NTSR2: variants seen among roughly 807,000 people sequenced by gnomAD.
NTSR2 encodes neurotensin receptor 2, also known as neurotensin receptor type 2.
In NTSR2, 22 loss-of-function variants were observed where a neutral mutation model predicts 24.1. The observed-to-expected ratio is 0.91, with a 90% CI of 0.65 to 1.30. The LOEUF (loss-of-function observed/expected upper bound fraction) is 1.30. Among genes scored for constraint, NTSR2 ranks in the 50% most tolerant of loss-of-function variants. The pLI, the probability that NTSR2 is intolerant of heterozygous loss-of-function variation, is 0.00. For synonymous variants in NTSR2, 291 were observed against 267.0 expected, an observed-to-expected ratio of 1.09 and a Z score of -0.88; for missense variants, 570 against 570.4, an observed-to-expected ratio of 1.00 and a Z score of 0.01.
In NTSR2 at chr2:11,669,694, G is replaced by A. The variant is rs1306959254; in HGVS notation, c.436C>T (p.Leu146=). 1 of 1,531,676 alleles carries A rather than the reference G, an allele frequency of 6.5e-7. No homozygotes were observed. Among genetic ancestry groups the A allele is most frequent in the Admixed American group, 2.0e-5 (1 of 51,070 alleles). 94.9% of individuals were successfully genotyped at this position (1,531,676 alleles called of 1,614,324 possible). ...CACCGGGTCCGGCGTGGCGTCAGCA[G>A]GCTGCGGGCACGCAGGGGCTGGCAC... ...AVCQPLRARS[L]LTPRRTRWLV... The change falls in exon 1 of 4, where the codon CTG becomes TTG. Residue 146 remains leucine (L), a synonymous_variant. Coordinates refer to ENST00000306928, the MANE Select transcript of NTSR2 (RefSeq NM_012344.4).
At chr2:11,668,789 A>G (rs1353430710) in intron 1 of NTSR2, among the ~76,000 whole-genome samples, 1 of 152,248 alleles carries the variant, frequency 6.6e-6, no homozygotes, top group African/African-American at 2.4e-5. Context: ...CAGAAAATGC[A>G]TTGTGAAGTG....
chr2:11,663,036 G>A (rs747871448), intron 1 of NTSR2, among the ~76,000 whole-genome samples: 16 of 152,324 alleles, frequency 1.1e-4, no homozygotes, highest in Non-Finnish European at 2.2e-4. Flanking sequence ...AGAAAATCAT[G>A]AGCAGTGCTT....
Position 11,669,951 on chromosome 2 carries a change from G to A in NTSR2, c.179C>T (p.Ala60Val), listed in dbSNP as rs756062152. The A allele has an allele frequency of 4.6e-6, 7 of 1,512,170 alleles. No homozygotes were observed. In the African/African-American group the frequency reaches 7.1e-5, roughly 15 times the overall value. The allele number at this position is 1,512,170 out of a possible 1,614,324, so 93.7% of individuals were successfully genotyped here. A position where few individuals can be genotyped will look rare whatever the true frequency, so the allele number is the denominator to read the frequency against. Residue 60 changes from alanine (A) to valine (V), a missense_variant, in exon 1 of 4, where the codon GCG becomes GTG. Ala to Val is a moderately conservative substitution (Grantham distance 64). Coordinates refer to ENST00000306928, the MANE Select transcript of NTSR2 (RefSeq NM_012344.4). Reference sequence around the variant, plus strand: ...CAGGCGCCCCGCGCGCCCGGCCCGCGCCTTCAGCACCACGTGCGCGGACAG... The same window carrying A: ...CAGGCGCCCCGCGCGCCCGGCCCGCACCTTCAGCACCACGTGCGCGGACAG... ...NALSAHVVLK[A>V]RAGRAGRLRH...
intron 1 of NTSR2, among the ~76,000 whole-genome samples, chr2:11,668,978 G>A (rs2148490133): frequency 6.6e-6 from 1 of 152,276 alleles, no homozygotes; most frequent in African/African-American, 2.4e-5. Flanking sequence ...GGGAAAGCGG[G>A]AGCAAGAGGT....
Position 11,660,114 on chromosome 2 carries a change from A to G in NTSR2, c.918T>C (p.Tyr306=). ...VQVLRAIVVM[Y]VICWLPYHAR... Reference sequence around the variant, plus strand: ...CATGGTACGGCAGCCAGCAGATGACATACATGACCACGATGGCTCCTGCAG... The same window carrying G: ...CATGGTACGGCAGCCAGCAGATGACGTACATGACCACGATGGCTCCTGCAG... The change falls in exon 3 of 4, where the codon TAT becomes TAC. Residue 306 remains tyrosine (Y), a synonymous_variant. Coordinates refer to ENST00000306928, the MANE Select transcript of NTSR2 (RefSeq NM_012344.4). 6.2e-7 allele frequency: 1 copy of G among 1,613,616 alleles called. No individual in the cohort carries two copies. Among genetic ancestry groups the G allele is most frequent in the Non-Finnish European group, 8.5e-7 (1 of 1,179,908 alleles).
At position 11,658,662 on chromosome 2, in the gene NTSR2, G is replaced by A. The variant is rs1660990348; in HGVS notation, c.1050C>T (p.Ser350=). The change falls in exon 4 of 4, where the codon AGC becomes AGT. Residue 350 remains serine, a synonymous_variant. Coordinates refer to ENST00000306928, the MANE Select transcript of NTSR2 (RefSeq NM_012344.4). Reference sequence around the variant, plus strand: ...TGTAGAGAAGAGGAGTCACAGCTGAGCTGACGTAGAAAAGTGTGTTGGTCA... The same window carrying A: ...TGTAGAGAAGAGGAGTCACAGCTGAACTGACGTAGAAAAGTGTGTTGGTCA... ...YMVTNTLFYV[S]SAVTPLLYNA... 6.2e-7 allele frequency: 1 copy of A among 1,614,048 alleles called. No homozygotes were observed. The highest frequency in any genetic ancestry group is 8.5e-7 in the Non-Finnish European group (1 of 1,180,042).
chr2:11,665,083 T>TCC (rs1483309451), intron 1 of NTSR2, among the ~76,000 whole-genome samples: 6 of 92,198 alleles, frequency 6.5e-5, no homozygotes, highest in Admixed American at 2.3e-4. Flanking sequence ...TTTTTTTTTT[T>TCC]CCAAGCTTGT....
At chr2:11,668,922 G>T (rs1388557975) in intron 1 of NTSR2, among the ~76,000 whole-genome samples, 1 of 152,214 alleles carries the variant, frequency 6.6e-6, no homozygotes, top group African/African-American at 2.4e-5. Flanking sequence ...GCAGAAGAAT[G>T]AGCTTTTGAC....
intron 3 of NTSR2, among the ~76,000 whole-genome samples, chr2:11,659,602 ATCT>A (rs1161777971): frequency 6.6e-6 from 1 of 152,140 alleles, no homozygotes; most frequent in African/African-American, 2.4e-5. Context: ...GAATTCTCTC[ATCT>A]TCTCCAACCA....
chr2:11,661,831 A>C, intron 2 of NTSR2, 136 bp downstream of exon 2: 1 of 732,248 alleles, frequency 1.4e-6, no homozygotes, highest in Non-Finnish European at 2.2e-6. Context: ...TTGGTTATAC[A>C]GTTCCCCTGG....
chr2:11,668,782 A>C (rs954485639), intron 1 of NTSR2, among the ~76,000 whole-genome samples: 2 of 152,250 alleles, frequency 1.3e-5, no homozygotes, highest in Non-Finnish European at 2.9e-5. Context: ...TCACTTTCAG[A>C]AAATGCATTG....
At position 11,669,804 on chromosome 2, in the gene NTSR2, C is replaced by T. The variant is rs1572271745; in HGVS notation, c.326G>A (p.Arg109His). ...CAGCTCGTGCACGAAGTAGTAGCCG[C>T]GGCAGCCCAGGTCGCCGAAGACCCA... Reference protein sequence around the residue: ...YPWVFGDLGCRGYYFVHELCA... With the variant: ...YPWVFGDLGCHGYYFVHELCA... The change falls in exon 1 of 4, where the codon CGC becomes CAC. Residue 109 changes from arginine (R) to histidine (H), a missense_variant. Physicochemically the swap from Arg to His is conservative, Grantham distance 29. Coordinates refer to ENST00000306928, the MANE Select transcript of NTSR2 (RefSeq NM_012344.4). 6 of 1,563,366 alleles carry T rather than the reference C, an allele frequency of 3.8e-6. No homozygotes were observed. The highest frequency in any genetic ancestry group is 5.2e-6 in the Non-Finnish European group (6 of 1,161,594).
At chr2:11,668,553 T>G (rs1661253379) in intron 1 of NTSR2, among the ~76,000 whole-genome samples, 1 of 152,172 alleles carries the variant, frequency 6.6e-6, no homozygotes, top group South Asian at 2.1e-4. Context: ...CGTGTGCCAG[T>G]GTGCAGAGAA....
chr2:11,669,860 C>A lies in NTSR2; in HGVS notation c.270G>T (p.Glu90Asp), dbSNP rs1412833753. ...LLLLLVGVPV[E>D]LYSFVWFHYP... ...AGTGGAACCACACGAAGCTGTAGAGCTCCACCGGCACGCCGACCAGCAGCA... is the reference window on the plus strand; with the variant it reads ...AGTGGAACCACACGAAGCTGTAGAGATCCACCGGCACGCCGACCAGCAGCA... The change falls in exon 1 of 4, where the codon GAG (glutamate) becomes GAT (aspartate). Residue 90 changes from glutamate to aspartate, a missense_variant. Transcript: ENST00000306928. 6.3e-7 allele frequency: 1 copy of A among 1,585,784 alleles called. No individual in the cohort carries two copies. Among genetic ancestry groups the A allele is most frequent in the Non-Finnish European group, 8.5e-7 (1 of 1,172,612 alleles).
Position 11,670,163 on chromosome 2 carries a change from C to T in NTSR2, c.-34G>A. The T allele has an allele frequency of 7.4e-7, 1 of 1,358,552 alleles. No homozygotes were observed. The highest frequency in any genetic ancestry group is 9.4e-7 in the Non-Finnish European group (1 of 1,063,712). The allele number at this position is 1,358,552 out of a possible 1,614,324, so 84.2% of individuals were successfully genotyped here. On this transcript the variant is annotated 5_prime_UTR_variant, in exon 1 of 4. In the 5' UTR this introduces an upstream ATG that the reference lacks. Transcript: ENST00000306928. ...CGCGGCCGGCGCTCCCTCCCTCTCA[C>T]TGCCCGGAGTCTGGGCGAGCTGCCT...
chr2:11,664,523 T>A (rs1180728372), intron 1 of NTSR2, among the ~76,000 whole-genome samples: 3 of 152,198 alleles, frequency 2.0e-5, no homozygotes, highest in Admixed American at 6.5e-5. Context: ...TCTTAATGCT[T>A]GCTCACAAAT....
At chr2:11,667,064 A>G (rs1431329589) in intron 1 of NTSR2, among the ~76,000 whole-genome samples, 1 of 152,224 alleles carries the variant, frequency 6.6e-6, no homozygotes, top group Non-Finnish European at 1.5e-5. Context: ...TGTCCTGTGG[A>G]CAGACCTGGG....
intron 2 of NTSR2, 27 bp downstream of exon 2, chr2:11,661,940 C>G: frequency 6.6e-7 from 1 of 1,522,672 alleles, no homozygotes; most frequent in Non-Finnish European, 8.8e-7. Context: ...CCCCTTTCTT[C>G]TGGGGTGATG....
At chr2:11,659,940 G>A (rs892626936) in intron 3 of NTSR2, 103 bp downstream of exon 3, 26 of 857,462 alleles carry the variant, frequency 3.0e-5, no homozygotes, top group Non-Finnish European at 4.6e-5. Flanking sequence ...CAGGATTCCA[G>A]AGGACCCAGC....
Sources: allele counts gnomAD v4.1 joint callset (sites outside exome capture counted in the v4.1 genomes callset), GRCh38; gene constraint gnomAD v4.1.1; transcripts MANE v1.5; gene names NCBI Gene and HGNC (gene_info 2026-07-23, HGNC 2026-07-21).